LRRC4C: variants seen among roughly 807,000 people sequenced by gnomAD.
LRRC4C encodes the protein leucine rich repeat containing 4C.
In LRRC4C, 5 loss-of-function variants were observed where a neutral mutation model predicts 33.6. That is an observed-to-expected ratio of 0.15 (90% confidence interval 0.08 to 0.31). The LOEUF (loss-of-function observed/expected upper bound fraction) is 0.31. Ranked by LOEUF, LRRC4C falls within the 10% of genes least tolerant of loss-of-function variation. LRRC4C has a pLI of 1.00. For missense variants in LRRC4C, 560 were observed against 796.7 expected (o/e 0.70, Z 3.58); for synonymous variants, 329 against 302.0 (o/e 1.09, Z -0.93).
intron 1 of LRRC4C, among the ~76,000 whole-genome samples, chr11:41,096,689 G>C (rs1293364775): frequency 6.6e-6 from 1 of 152,108 alleles, no homozygotes; most frequent in Non-Finnish European, 1.5e-5. Flanking sequence ...CCTGTTTGCT[G>C]CCCTGAAATA....
intron 3 of LRRC4C, among the ~76,000 whole-genome samples, chr11:40,362,254 T>C (rs1947989395): frequency 6.6e-6 from 1 of 151,804 alleles, no homozygotes; most frequent in African/African-American, 2.4e-5. Flanking sequence ...AAAGCAAAAA[T>C]TGACAAATGG....
chr11:40,518,593 C>A (rs186577276), intron 3 of LRRC4C, among the ~76,000 whole-genome samples: 1 of 152,216 alleles, frequency 6.6e-6, no homozygotes, highest in Admixed American at 6.5e-5. Context: ...ATTAAAATGT[C>A]AGGAAACAAC....
intron 1 of LRRC4C, among the ~76,000 whole-genome samples, chr11:41,252,203 C>T (rs550177095): frequency 1.3e-5 from 2 of 152,220 alleles, no homozygotes; most frequent in South Asian, 4.1e-4. Context: ...GCTGGGCTAA[C>T]CTGGTAGAAA....
At chr11:40,573,200 T>C (rs1958052574) in intron 3 of LRRC4C, among the ~76,000 whole-genome samples, 1 of 152,224 alleles carries the variant, frequency 6.6e-6, no homozygotes, top group South Asian at 2.1e-4. Flanking sequence ...GATGTTAAAA[T>C]GAATAGTAAG....
intron 3 of LRRC4C, among the ~76,000 whole-genome samples, chr11:40,332,023 A>G (rs1946386325): frequency 6.6e-6 from 1 of 152,222 alleles, no homozygotes; most frequent in South Asian, 2.1e-4. Context: ...ATAACATGTA[A>G]ATTAACACTT....
intron 1 of LRRC4C, among the ~76,000 whole-genome samples, chr11:41,132,587 G>T (rs771836322): frequency 8.6e-5 from 13 of 152,030 alleles, no homozygotes; most frequent in Middle Eastern, 3.2e-3. Flanking sequence ...GCATATTACT[G>T]AACCTTAATG....
intron 1 of LRRC4C, among the ~76,000 whole-genome samples, chr11:41,378,780 C>T (rs955548482): frequency 2.0e-5 from 3 of 152,010 alleles, no homozygotes; most frequent in African/African-American, 7.2e-5. Context: ...TTCCCTATAA[C>T]CCAAGGCACT....
intron 3 of LRRC4C, among the ~76,000 whole-genome samples, chr11:40,603,411 A>C (rs1960227372): frequency 6.6e-6 from 1 of 152,228 alleles, no homozygotes; most frequent in South Asian, 2.1e-4. Flanking sequence ...CTAATATTCA[A>C]GTGAGTTTAA....
At chr11:40,922,420 G>A (rs111304807) in intron 2 of LRRC4C, among the ~76,000 whole-genome samples, 16 of 152,216 alleles carry the variant, frequency 1.1e-4, no homozygotes, top group East Asian at 3.9e-4. Flanking sequence ...ATTTGAAGAC[G>A]TTTATTGTAG....
intron 1 of LRRC4C, among the ~76,000 whole-genome samples, chr11:41,413,373 T>G (rs931626205): frequency 6.6e-6 from 1 of 152,204 alleles, no homozygotes; most frequent in Non-Finnish European, 1.5e-5. Context: ...TAAGGATTAG[T>G]TAATTAATGA....
intron 1 of LRRC4C, among the ~76,000 whole-genome samples, chr11:41,041,444 C>T (rs1857428138): frequency 6.6e-6 from 1 of 152,078 alleles, no homozygotes; most frequent in Admixed American, 6.6e-5. Context: ...ATAGTGATTG[C>T]CATACAGTAC....
intron 1 of LRRC4C, among the ~76,000 whole-genome samples, chr11:41,047,617 T>G (rs1480530132): frequency 1.3e-5 from 2 of 152,184 alleles, no homozygotes; most frequent in African/African-American, 4.8e-5. Context: ...TTACCTTAAC[T>G]GTTTCAAGCA....
chr11:41,214,194 A>G (rs1463377633), intron 1 of LRRC4C, among the ~76,000 whole-genome samples: 3 of 152,156 alleles, frequency 2.0e-5, no homozygotes, highest in Non-Finnish European at 4.4e-5. Context: ...TATGAAGGAC[A>G]TCTTCAATCA....
At chr11:41,416,125 T>TA (rs1954670242) in intron 1 of LRRC4C, among the ~76,000 whole-genome samples, 1 of 152,068 alleles carries the variant, frequency 6.6e-6, no homozygotes, top group Non-Finnish European at 1.5e-5. Flanking sequence ...ATAAAGCTGT[T>TA]AATTTGTTTC....
At position 40,363,839 on chromosome 11, in the gene LRRC4C, A is replaced by G. The variant is rs139682178; in HGVS notation, c.-269-44118T>C. On this transcript the variant is annotated intron_variant, in intron 3 of 6. Transcript: ENST00000528697. ...TGAACACTGTTTCTAAGCAGCATAC[A>G]TGGACTTGCTGTTTTATCAATAAAA... 3.1e-4 allele frequency among the ~76,000 whole-genome samples: 47 copies of G among 152,302 alleles called. 2 individuals are homozygous for G. Among genetic ancestry groups the G allele is most frequent in the African/African-American group, 1.1e-3 (44 of 41,566 alleles).
At chr11:40,462,579 T>G (rs1053600653) in intron 3 of LRRC4C, among the ~76,000 whole-genome samples, 4 of 152,078 alleles carry the variant, frequency 2.6e-5, no homozygotes, top group Admixed American at 2.0e-4. Context: ...ATTTCTGTTC[T>G]CAAAGACCTT....
intron 3 of LRRC4C, among the ~76,000 whole-genome samples, chr11:40,381,996 G>T (rs1313358698): frequency 8.4e-6 from 1 of 119,510 alleles, no homozygotes; most frequent in Non-Finnish European, 1.6e-5. Flanking sequence ...CCGCTCTGTC[G>T]CCCAGGCTGG....
intron 3 of LRRC4C, among the ~76,000 whole-genome samples, chr11:40,560,301 G>C (rs1441808166): frequency 3.3e-5 from 5 of 152,076 alleles, no homozygotes; most frequent in Non-Finnish European, 7.4e-5. Context: ...ACCAGGCATT[G>C]ATCTTCTCCC....
chr11:41,415,007 C>A (rs985671839), intron 1 of LRRC4C, among the ~76,000 whole-genome samples: 1 of 151,984 alleles, frequency 6.6e-6, no homozygotes, highest in Non-Finnish European at 1.5e-5. Flanking sequence ...GTAATTAGGC[C>A]AATTAAAACT....
Sources: allele counts gnomAD v4.1 joint callset (sites outside exome capture counted in the v4.1 genomes callset), GRCh38; gene constraint gnomAD v4.1.1; transcripts MANE v1.5; gene names NCBI Gene and HGNC (gene_info 2026-07-23, HGNC 2026-07-21).